CTNNA2: variants seen among roughly 807,000 people sequenced by gnomAD.
CTNNA2 encodes the protein catenin alpha-2.
In CTNNA2, 42 loss-of-function variants were observed where a neutral mutation model predicts 101.0. The ratio of observed to expected loss-of-function variants is 0.42; its 90% CI spans 0.32 to 0.54. CTNNA2 has a LOEUF of 0.54. Ranked by LOEUF, CTNNA2 falls within the 20% of genes least tolerant of loss-of-function variation. The pLI is 0.14. For synonymous variants in CTNNA2, 450 were observed against 456.4 expected, an observed-to-expected ratio of 0.99 and a Z score of 0.18; for missense variants, 871 against 1,223.1, an observed-to-expected ratio of 0.71 and a Z score of 4.29.
chr2:80,346,200 G>C (rs1672720526), intron 7 of CTNNA2, among the ~76,000 whole-genome samples: 1 of 152,142 alleles, frequency 6.6e-6, no homozygotes, highest in Non-Finnish European at 1.5e-5. Flanking sequence ...TTGCTTTAAA[G>C]AAACACCTGT....
intron 7 of CTNNA2, among the ~76,000 whole-genome samples, chr2:79,987,643 T>C (rs1363525191): frequency 1.3e-5 from 2 of 152,198 alleles, no homozygotes; most frequent in African/African-American, 4.8e-5. Context: ...TAGAAATGAA[T>C]AAACTTTATA....
At chr2:80,610,174 T>A (rs1698341180) in intron 17 of CTNNA2, among the ~76,000 whole-genome samples, 2 of 151,836 alleles carry the variant, frequency 1.3e-5, no homozygotes, top group South Asian at 4.1e-4. Flanking sequence ...TCCTCATGAT[T>A]TATTCCAAGC....
At chr2:79,226,516 T>A (rs1335993939) in intron 2 of CTNNA2, among the ~76,000 whole-genome samples, 7 of 152,182 alleles carry the variant, frequency 4.6e-5, no homozygotes, top group African/African-American at 1.2e-4. Context: ...ATCACAGGTA[T>A]TAAAAGTATC....
At chr2:80,438,571 C>T (rs1682261881) in intron 9 of CTNNA2, among the ~76,000 whole-genome samples, 1 of 152,118 alleles carries the variant, frequency 6.6e-6, no homozygotes, top group South Asian at 2.1e-4. Context: ...TAGGTCATCA[C>T]TAATTATTTT....
intron 2 of CTNNA2, among the ~76,000 whole-genome samples, chr2:79,742,759 T>G (rs773887650): frequency 5.3e-5 from 8 of 152,166 alleles, no homozygotes; most frequent in Admixed American, 2.0e-4. Flanking sequence ...GTTAATGATT[T>G]TGCCATTTTT....
chr2:79,934,330 A>T (rs1472009015), intron 7 of CTNNA2, among the ~76,000 whole-genome samples: 4 of 152,240 alleles, frequency 2.6e-5, no homozygotes, highest in Admixed American at 2.6e-4. Flanking sequence ...GCACCAATCT[A>T]ATAATATCAG....
At chr2:79,281,993 C>T (rs10188738) in intron 2 of CTNNA2, among the ~76,000 whole-genome samples, 15,877 of 152,030 alleles carry the variant, frequency 0.1, 959 homozygotes, top group Middle Eastern at 0.18. Flanking sequence ...TAATAGTCCC[C>T]TGTCAATAAA....
At chr2:79,571,129 A>G (rs1314460797) in intron 1 of CTNNA2, among the ~76,000 whole-genome samples, 1 of 152,220 alleles carries the variant, frequency 6.6e-6, no homozygotes, top group Non-Finnish European at 1.5e-5. Flanking sequence ...AGGATTATGC[A>G]TCATAGTATG....
chr2:79,527,474 C>CAAAAAA (rs58822666), intron 1 of CTNNA2, among the ~76,000 whole-genome samples: 6 of 85,228 alleles, frequency 7.0e-5, no homozygotes, highest in African/African-American at 1.5e-4. Flanking sequence ...ACTAAAAATA[C>CAAAAAA]AAAAAAAAAA....
chr2:79,972,866 C>G (rs1012913535), intron 7 of CTNNA2, among the ~76,000 whole-genome samples: 3 of 152,158 alleles, frequency 2.0e-5, no homozygotes, highest in South Asian at 4.1e-4. Flanking sequence ...CGGTGGAGAA[C>G]TGAATCCCAT....
intron 4 of CTNNA2, among the ~76,000 whole-genome samples, chr2:79,461,152 A>G (rs1221024315): frequency 6.6e-6 from 1 of 152,140 alleles, no homozygotes; most frequent in Non-Finnish European, 1.5e-5. Flanking sequence ...ATGGCCCAGT[A>G]ATTTTTATCT....
intron 16 of CTNNA2, among the ~76,000 whole-genome samples, chr2:80,604,696 T>A (rs996339324): frequency 2.6e-5 from 4 of 152,006 alleles, no homozygotes; most frequent in African/African-American, 9.7e-5. Context: ...TTTAACTGCC[T>A]GACAGAATGA....
At chr2:80,396,696 G>C (rs1488555705) in intron 8 of CTNNA2, among the ~76,000 whole-genome samples, 1 of 152,172 alleles carries the variant, frequency 6.6e-6, no homozygotes, top group African/African-American at 2.4e-5. Context: ...ATTAGTCCCT[G>C]ATTTTCCAAG....
At chr2:79,936,533 A>G (rs1256558780) in intron 7 of CTNNA2, among the ~76,000 whole-genome samples, 1 of 122,746 alleles carries the variant, frequency 8.1e-6, no homozygotes, top group Non-Finnish European at 1.7e-5. Flanking sequence ...GTTTCTGGAA[A>G]CTCCAAGCGT....
chr2:79,361,261 A>G (rs1388223151), intron 3 of CTNNA2, among the ~76,000 whole-genome samples: 1 of 152,220 alleles, frequency 6.6e-6, no homozygotes. Flanking sequence ...GATGTTAAAG[A>G]TTTAGACAAA....
At chr2:80,581,236 C>T (rs1695513336) in intron 13 of CTNNA2, among the ~76,000 whole-genome samples, 1 of 152,118 alleles carries the variant, frequency 6.6e-6, no homozygotes, top group Non-Finnish European at 1.5e-5. Flanking sequence ...ACTCTAGAGC[C>T]TGTGCTTATA....
intron 2 of CTNNA2, among the ~76,000 whole-genome samples, chr2:79,279,320 C>A (rs1479860468): frequency 6.6e-6 from 1 of 151,996 alleles, no homozygotes; most frequent in Admixed American, 6.6e-5. Context: ...CAATTTGTTG[C>A]CCAGTGGGAT....
chr2:80,033,884 G>A (rs116003107), intron 7 of CTNNA2, among the ~76,000 whole-genome samples: 2,585 of 148,890 alleles, frequency 0.017, 33 homozygotes, highest in Non-Finnish European at 0.027. Flanking sequence ...AATTGTAGCA[G>A]TCTGCAACAA....
At chr2:80,082,829 G>T (rs1277329277) in intron 7 of CTNNA2, among the ~76,000 whole-genome samples, 3 of 151,858 alleles carry the variant, frequency 2.0e-5, no homozygotes, top group African/African-American at 4.8e-5. Flanking sequence ...GAGACAATTG[G>T]GTGTTGTAAC....
Sources: gnomAD v4.1 joint callset for allele counts (sites outside exome capture counted in the v4.1 genomes callset) on GRCh38, gnomAD v4.1.1 for gene constraint, MANE v1.5 for transcripts, NCBI Gene and HGNC (gene_info 2026-07-23, HGNC 2026-07-21) for gene names.